Variants in CLCN3 observed in about 807,000 individuals in gnomAD.
CLCN3 encodes the protein H(+)/Cl(-) exchange transporter 3.
A neutral mutation model predicts 83.4 loss-of-function variants in CLCN3; 16 were observed. That is an observed-to-expected ratio of 0.19 (90% confidence interval 0.13 to 0.29). The LOEUF (loss-of-function observed/expected upper bound fraction) is 0.29, where lower values mean the gene tolerates loss of function less well. Among genes scored for constraint, CLCN3 ranks in the 10% least tolerant of loss-of-function variants. CLCN3 has a pLI of 1.00. For missense variants in CLCN3, 544 were observed against 1,006.0 expected, an observed-to-expected ratio of 0.54 and a Z score of 6.21; for synonymous variants, 322 against 346.2, an observed-to-expected ratio of 0.93 and a Z score of 0.78.
intron 1 of CLCN3, among the ~76,000 whole-genome samples, chr4:169,631,837 A>C (rs1040185956): frequency 1.2e-4 from 18 of 152,168 alleles, no homozygotes; most frequent in African/African-American, 4.1e-4. Flanking sequence ...GAAATGGGTA[A>C]ATTCTGGAAA....
chr4:169,646,465 C>CT (rs541385099), intron 2 of CLCN3, among the ~76,000 whole-genome samples: 3,285 of 149,412 alleles, frequency 0.022, 41 homozygotes, highest in African/African-American at 0.033. Context: ...AGTTTTTATA[C>CT]TTTTTTTTTT....
At chr4:169,693,665 G>T (rs921075318) in intron 7 of CLCN3, among the ~76,000 whole-genome samples, 4 of 152,214 alleles carry the variant, frequency 2.6e-5, no homozygotes, top group African/African-American at 9.7e-5. Flanking sequence ...GCAAGTTAGT[G>T]GCTAAGATGA....
chr4:169,717,916 A>C, intron 12 of CLCN3: 2 of 1,287,550 alleles, frequency 1.6e-6, no homozygotes, highest in South Asian at 2.4e-5. Context: ...GAAGTCAGGA[A>C]GCATGAAACT....
At position 169,721,344 on chromosome 4, in the gene CLCN3, TTCTC is replaced by T. The variant is rs1158293723; in HGVS notation, c.*1353_*1356del. On this transcript the variant is annotated 3_prime_UTR_variant, in exon 13 of 13. Coordinates refer to ENST00000513761, the MANE Select transcript of CLCN3 (RefSeq NM_001829.4). ...ACAAAGGTTTAAAAAAAGGTTGTGG[TTCTC>T]TCTCTGTGATCCAGTGTGCACATAA... The T allele has an allele frequency of 6.6e-6, 1 of 152,206 alleles. No individual in the cohort carries two copies. The highest frequency in any genetic ancestry group is 1.5e-5 in the Non-Finnish European group (1 of 68,028). 9.4% of individuals were successfully genotyped at this position (152,206 alleles called of 1,614,324 possible).
At chr4:169,634,799 G>C (rs1409693199) in intron 1 of CLCN3, among the ~76,000 whole-genome samples, 1 of 152,068 alleles carries the variant, frequency 6.6e-6, no homozygotes, top group Admixed American at 6.5e-5. Context: ...CAGTCATTAT[G>C]CCAGATGTGG....
intron 12 of CLCN3, among the ~76,000 whole-genome samples, chr4:169,716,038 G>T (rs1037944861): frequency 1.1e-4 from 17 of 152,112 alleles, no homozygotes; most frequent in Admixed American, 2.0e-4. Context: ...ATGGGAACTG[G>T]TGTTTCTTGG....
intron 11 of CLCN3, among the ~76,000 whole-genome samples, chr4:169,707,524 C>T (rs556102155): frequency 6.6e-6 from 1 of 152,266 alleles, no homozygotes; most frequent in South Asian, 2.1e-4. Context: ...TATTTTCCCA[C>T]TCAGATAAGC....
Position 169,719,158 on chromosome 4 carries a change from T to C in CLCN3, c.2367-749T>C, listed in dbSNP as rs1479420796. ...CCTTAAATTATCTTTGAAAAATTGGTTAATTTTGGTTAAAAAAGGGAAAGT... is the reference window on the plus strand; with the variant it reads ...CCTTAAATTATCTTTGAAAAATTGGCTAATTTTGGTTAAAAAAGGGAAAGT... On this transcript the variant is annotated intron_variant, in intron 12 of 12. Coordinates refer to ENST00000513761, the MANE Select transcript of CLCN3 (RefSeq NM_001829.4). 9.2e-5 allele frequency among the ~76,000 whole-genome samples: 14 copies of C among 152,204 alleles called. No individual in the cohort carries two copies. The East Asian group carries it at 2.7e-3, about 29-fold the overall frequency.
chr4:169,714,448 T>TAC (rs1733348815), intron 12 of CLCN3, among the ~76,000 whole-genome samples: 2 of 152,208 alleles, frequency 1.3e-5, no homozygotes, highest in East Asian at 3.9e-4. Context: ...AGTAGGTAGT[T>TAC]ATAGCCCTAC....
chr4:169,679,708 G>A (rs1386486946), intron 2 of CLCN3, among the ~76,000 whole-genome samples: 1 of 152,202 alleles, frequency 6.6e-6, no homozygotes, highest in African/African-American at 2.4e-5. Flanking sequence ...GGCCAACACG[G>A]CAAAACCCCA....
chr4:169,706,849 G>T lies in CLCN3; in HGVS notation c.1751-19G>T. 6.3e-7 allele frequency: 1 copy of T among 1,599,312 alleles called. No individual in the cohort carries two copies. Among genetic ancestry groups the T allele is most frequent in the South Asian group, 1.1e-5 (1 of 89,840 alleles). On this transcript the variant is annotated intron_variant, in intron 10 of 12. Coordinates refer to ENST00000513761, the MANE Select transcript of CLCN3 (RefSeq NM_001829.4). ...GAGGATCCTGTCCTTCCTGACCAGTGGGTGCTTACTTTTTTCAGGTGGTGT... is the reference window on the plus strand; with the variant it reads ...GAGGATCCTGTCCTTCCTGACCAGTTGGTGCTTACTTTTTTCAGGTGGTGT...
chr4:169,665,399 G>A (rs775978888), intron 2 of CLCN3, among the ~76,000 whole-genome samples: 1 of 152,110 alleles, frequency 6.6e-6, no homozygotes, highest in Non-Finnish European at 1.5e-5. Flanking sequence ...TTTTAATAGC[G>A]TATGCTTCTT....
intron 2 of CLCN3, among the ~76,000 whole-genome samples, chr4:169,656,531 A>G (rs1027240277): frequency 6.6e-6 from 1 of 152,190 alleles, no homozygotes; most frequent in African/African-American, 2.4e-5. Flanking sequence ...GGGGATTACA[A>G]TGCAACATGA....
chr4:169,647,416 C>T (rs1031274251), intron 2 of CLCN3, among the ~76,000 whole-genome samples: 1 of 151,920 alleles, frequency 6.6e-6, no homozygotes, highest in Non-Finnish European at 1.5e-5. Flanking sequence ...ATATAGTTAA[C>T]TTTAGGTCTT....
At chr4:169,660,344 T>G (rs754487672) in intron 2 of CLCN3, 266 of 1,384,090 alleles carry the variant, frequency 1.9e-4, no homozygotes, top group Admixed American at 3.1e-4. Flanking sequence ...TTTTTCTTTT[T>G]CTTCTTCTAT....
At chr4:169,626,482 C>A (rs4692734) in intron 1 of CLCN3, among the ~76,000 whole-genome samples, 147,728 of 152,336 alleles carry the variant, frequency 0.97, 71,783 homozygotes, top group East Asian at 1. Flanking sequence ...GCCTGTCCAA[C>A]TTCTTCTGCC....
intron 6 of CLCN3, among the ~76,000 whole-genome samples, 155 bp from the exon 7 acceptor site, chr4:169,691,959 T>C (rs1236724859): frequency 6.6e-6 from 1 of 152,188 alleles, no homozygotes; most frequent in Non-Finnish European, 1.5e-5. Flanking sequence ...TGTAGCATAA[T>C]AGGCAAAGTT....
At chr4:169,713,441 T>A (rs1261872927) in intron 12 of CLCN3, 146 bp downstream of exon 12, 2 of 615,638 alleles carry the variant, frequency 3.2e-6, no homozygotes, top group Admixed American at 5.7e-5. Flanking sequence ...ATAGGATCAG[T>A]CAATCAAATT....
Position 169,656,300 on chromosome 4 carries a change from G to A in CLCN3, c.160+20212G>A, listed in dbSNP as rs973780605. Among the ~76,000 whole-genome samples, 3 of 152,190 alleles carry A rather than the reference G, an allele frequency of 2.0e-5. No homozygotes were observed. The East Asian group carries it at 5.8e-4, about 29-fold the overall frequency. ...ATAGCGTCTTCTGGGGAGGCCTCAG[G>A]AAACTTACATTCATGGCGGAAGATG... is the stretch of plus-strand genomic sequence containing the variant. On this transcript the variant is annotated intron_variant, in intron 2 of 12. Coordinates refer to ENST00000513761, the MANE Select transcript of CLCN3 (RefSeq NM_001829.4).
Sources: gnomAD v4.1 joint callset for allele counts (sites outside exome capture counted in the v4.1 genomes callset) on GRCh38, gnomAD v4.1.1 for gene constraint, MANE v1.5 for transcripts, NCBI Gene and HGNC (gene_info 2026-07-23, HGNC 2026-07-21) for gene names.